LHX2: variants seen among roughly 807,000 people sequenced by gnomAD.
LHX2 encodes LIM homeobox 2, also known as LIM/homeobox protein Lhx2.
Under a neutral mutation model 33.0 loss-of-function variants are expected in LHX2, and 6 were observed. The observed-to-expected ratio is 0.18, with a 90% CI of 0.10 to 0.36. LHX2 has a LOEUF of 0.36. Among genes scored for constraint, LHX2 ranks in the 10% least tolerant of loss-of-function variants. The pLI, the probability that LHX2 is intolerant of heterozygous loss-of-function variation, is 1.00. For synonymous variants in LHX2, 292 were observed against 253.1 expected (o/e 1.15, Z -1.46); for missense variants, 442 against 586.2 (o/e 0.75, Z 2.54).
chr9:124,032,502 C>A lies in LHX2; in HGVS notation c.1016C>A (p.Ala339Glu), dbSNP rs762693228. ...ACGGGCGTGGACAAGTCGACAGACG[C>A]GGCGCTGCAGACAGGGACGCCATCG... ...ENTGVDKSTD[A>E]ALQTGTPSGP... is the part of the protein sequence containing the mutation. The change falls in exon 5 of 5, where the codon GCG becomes GAG. Residue 339 changes from alanine (A) to glutamate (E), a missense_variant. By Grantham distance (107) the Ala-to-Glu change is moderately radical. Coordinates refer to ENST00000373615, the MANE Select transcript of LHX2 (RefSeq NM_004789.4). The surrounding 1 kb of genome is among the most constrained non-coding windows in gnomAD (Gnocchi z 4.1). 3.1e-6 allele frequency: 5 copies of A among 1,612,998 alleles called. No homozygotes were observed. Among genetic ancestry groups the A allele is most frequent in the African/African-American group, 2.7e-5 (2 of 74,902 alleles).
rs12341660 is a variant in LHX2 at position 124,022,316 on chromosome 9, T to C, written c.933+1012T>C. ...TGCGACCTGACACTTCGTTGCTCAGTGGATGGTAGCCAATAACAGCATTAA... is the reference window on the plus strand; with the variant it reads ...TGCGACCTGACACTTCGTTGCTCAGCGGATGGTAGCCAATAACAGCATTAA... On this transcript the variant is annotated intron_variant, in intron 4 of 4. Coordinates refer to ENST00000373615, the MANE Select transcript of LHX2 (RefSeq NM_004789.4). 9.7e-3 allele frequency among the ~76,000 whole-genome samples: 1,475 copies of C among 152,312 alleles called. 23 individuals are homozygous for C. Among genetic ancestry groups the C allele is most frequent in the African/African-American group, 0.034 (1,403 of 41,562 alleles).
intron 1 of LHX2, among the ~76,000 whole-genome samples, chr9:124,013,398 C>A (rs767646233): frequency 6.6e-6 from 1 of 152,214 alleles, no homozygotes; most frequent in Non-Finnish European, 1.5e-5. Flanking sequence ...CATCCCCGGA[C>A]CCAAGAGGGC....
rs764841570 is a variant in LHX2, at chr9:124,015,398, G to A, written c.600G>A (p.Gly200=). Residue 200 remains glycine (G), a synonymous_variant, in exon 3 of 5, where the codon GGG becomes GGA. Coordinates refer to ENST00000373615, the MANE Select transcript of LHX2 (RefSeq NM_004789.4). The surrounding 1 kb of genome is among the most constrained non-coding windows in gnomAD (Gnocchi z 7.9). The stretch of plus-strand genomic sequence containing the variant: ...CAGCCGCGGCGGCCAAGAGCGCGGG[G>A]CTGGGCGCAGCAGGGGCCAACCCTC... ...AAAAAAAKSA[G]LGAAGANPLG... 27 of 1,607,608 alleles carry A rather than the reference G, an allele frequency of 1.7e-5. No homozygotes were observed. Among genetic ancestry groups the A allele is most frequent in the Admixed American group, 3.4e-5 (2 of 59,378 alleles).
intron 1 of LHX2, 104 bp from the exon 2 acceptor site, chr9:124,013,857 G>A: frequency 1.9e-6 from 2 of 1,040,430 alleles, no homozygotes; most frequent in Non-Finnish European, 2.9e-6. Flanking sequence ...CCGCGTTCAG[G>A]GTAGCCAAGG....
At chr9:124,021,346 G>T in intron 4 of LHX2, 42 bp downstream of exon 4, 1 of 1,586,950 alleles carries the variant, frequency 6.3e-7, no homozygotes, top group Non-Finnish European at 8.6e-7. Context: ...GACCACCAGG[G>T]ACTGGGGTGG....
intron 3 of LHX2, among the ~76,000 whole-genome samples, chr9:124,018,045 T>TTG (rs895723400): frequency 7.3e-5 from 11 of 151,644 alleles, no homozygotes; most frequent in African/African-American, 2.4e-4. Flanking sequence ...CCCCAGCTTT[T>TTG]TGTGTGTGTG....
At chr9:124,026,634 T>A (rs1828627443) in intron 4 of LHX2, among the ~76,000 whole-genome samples, 1 of 152,172 alleles carries the variant, frequency 6.6e-6, no homozygotes, top group African/African-American at 2.4e-5. Flanking sequence ...GTTGACTGTG[T>A]CTTTCTCTTG....
rs1208485703 is a variant in LHX2 at position 124,032,990 on chromosome 9, C to T, written c.*283C>T. ...AAATAATTTAAGTTGGCTAGAGCTT[C>T]TGTATTTTCAAAGACTGCCACGTGC... On this transcript the variant is annotated 3_prime_UTR_variant, in exon 5 of 5. Coordinates refer to ENST00000373615, the MANE Select transcript of LHX2 (RefSeq NM_004789.4). This position sits in a 1 kb window ranked among gnomAD's most constrained non-coding sequence, Gnocchi z 4.1. The T allele has an allele frequency of 3.4e-6, 1 of 293,816 alleles. No individual in the cohort carries two copies. The highest frequency in any genetic ancestry group is 5.1e-5 in the Admixed American group (1 of 19,738). The allele number at this position is 293,816 out of a possible 1,614,324, so 18.2% of individuals were successfully genotyped here.
At chr9:124,013,095 C>T (rs903841257) in intron 1 of LHX2, among the ~76,000 whole-genome samples, 34 of 152,360 alleles carry the variant, frequency 2.2e-4, no homozygotes, top group African/African-American at 8.2e-4. Flanking sequence ...CCTGGCTCCG[C>T]GGGCCCAGCC....
Position 124,014,283 on chromosome 9 carries a change from C to G in LHX2, c.323+120C>G, listed in dbSNP as rs534050077. 7.8e-6 allele frequency: 5 copies of G among 637,538 alleles called. No individual in the cohort carries two copies. In the East Asian group the frequency reaches 1.4e-4, roughly 18 times the overall value. 39.5% of individuals were successfully genotyped at this position (637,538 alleles called of 1,614,324 possible). A position where few individuals can be genotyped will look rare whatever the true frequency, so the allele number is the denominator to read the frequency against. On this transcript the variant is annotated intron_variant, in intron 2 of 4. Coordinates refer to ENST00000373615, the MANE Select transcript of LHX2 (RefSeq NM_004789.4). This position sits in a 1 kb window ranked among gnomAD's most constrained non-coding sequence, Gnocchi z 4.8. ...AGAGGGTTCACTACTCAGGACTCCC[C>G]CGCTCCCCCCCCAAGTTCTCCAAGC...
At chr9:124,023,723 C>T (rs1476275445) in intron 4 of LHX2, among the ~76,000 whole-genome samples, 3 of 152,180 alleles carry the variant, frequency 2.0e-5, no homozygotes. Flanking sequence ...ATCAGATTTC[C>T]AGGAGAGTTA....
At position 124,012,683 on chromosome 9, in the gene LHX2, C is replaced by G. The variant is rs1035603602; in HGVS notation, c.120+215C>G. On this transcript the variant is annotated intron_variant, in intron 1 of 4. Transcript: ENST00000373615. The surrounding 1 kb of genome is among the most constrained non-coding windows in gnomAD (Gnocchi z 4.3). ...AACAAGGTTGAAACCGAAATCTCGG[C>G]CCTGGGGGTAGAGGAGAGCGTTTCT... Among the ~76,000 whole-genome samples the G allele has an allele frequency of 2.6e-5, 4 of 152,238 alleles. No homozygotes were observed. Among genetic ancestry groups the G allele is most frequent in the African/African-American group, 9.6e-5 (4 of 41,458 alleles).
Position 124,021,448 on chromosome 9 carries a change from C to T in LHX2, c.933+144C>T, listed in dbSNP as rs1311683898. 4 of 677,734 alleles carry T rather than the reference C, an allele frequency of 5.9e-6. No individual in the cohort carries two copies. The African/African-American group carries it at 7.2e-5, about 12-fold the overall frequency. The allele number at this position is 677,734 out of a possible 1,614,324, so 42.0% of individuals were successfully genotyped here. A position where few individuals can be genotyped will look rare whatever the true frequency, so the allele number is the denominator to read the frequency against. On this transcript the variant is annotated intron_variant, in intron 4 of 4. Transcript: ENST00000373615. ...TAATCTTTCTCATTCTCTTTCTTCA[C>T]CTCTCCAGCCTGTCCCCATCTGTAT...
At chr9:124,029,107 G>A (rs1828673401) in intron 4 of LHX2, among the ~76,000 whole-genome samples, 1 of 150,916 alleles carries the variant, frequency 6.6e-6, no homozygotes, top group African/African-American at 2.5e-5. Context: ...GCAAGACTCT[G>A]TCTCAAAAAA....
chr9:124,032,362 T>TC lies in LHX2; in HGVS notation c.934-57dup, dbSNP rs1828712589. 6.7e-7 allele frequency: 1 copy of TC among 1,481,800 alleles called. No homozygotes were observed. Among genetic ancestry groups the TC allele is most frequent in the Non-Finnish European group, 9.1e-7 (1 of 1,102,808 alleles). 91.8% of individuals were successfully genotyped at this position (1,481,800 alleles called of 1,614,324 possible). On this transcript the variant is annotated intron_variant, in intron 4 of 4. Transcript: ENST00000373615. The surrounding 1 kb of genome is among the most constrained non-coding windows in gnomAD (Gnocchi z 4.1). ...GGCAGCAGAGCTCTGAGTGAAGCAG[T>TC]CGGGGGGATGCTCTGCCTGCCTTCC...
At position 124,014,198 on chromosome 9, in the gene LHX2, T is replaced by G; in HGVS notation, c.323+35T>G. ...CCACCCAACTGCCCCTCAGGACCCC[T>G]CCCCCCAATCTCAGGCACAGTCTTA... On this transcript the variant is annotated intron_variant, in intron 2 of 4. Coordinates refer to ENST00000373615, the MANE Select transcript of LHX2 (RefSeq NM_004789.4). The surrounding 1 kb of genome is among the most constrained non-coding windows in gnomAD (Gnocchi z 4.8). The G allele has an allele frequency of 1.6e-6, 2 of 1,288,094 alleles. No individual in the cohort carries two copies. Among genetic ancestry groups the G allele is most frequent in the Non-Finnish European group, 2.1e-6 (2 of 949,744 alleles). 79.8% of individuals were successfully genotyped at this position (1,288,094 alleles called of 1,614,324 possible). A position where few individuals can be genotyped will look rare whatever the true frequency, so the allele number is the denominator to read the frequency against.
intron 3 of LHX2, 21 bp from the exon 4 acceptor site, chr9:124,021,078 G>T (rs149426877): frequency 0.013 from 21,410 of 1,612,200 alleles, 176 homozygotes; most frequent in Non-Finnish European, 0.017. Flanking sequence ...TTCACCCACC[G>T]GCTCTGTGTC....
At chr9:124,029,265 A>C (rs1828676385) in intron 4 of LHX2, among the ~76,000 whole-genome samples, 1 of 152,334 alleles carries the variant, frequency 6.6e-6, no homozygotes, top group East Asian at 1.9e-4. Flanking sequence ...TAAAAGGTAC[A>C]TACATGTCAG....
chr9:124,028,725 G>T (rs1376227547), intron 4 of LHX2, among the ~76,000 whole-genome samples: 2 of 152,168 alleles, frequency 1.3e-5, no homozygotes, highest in South Asian at 2.1e-4. Context: ...CTCTTTTAGG[G>T]CAAGTGGTCC....
Sources: gnomAD v4.1 joint callset for allele counts (sites outside exome capture counted in the v4.1 genomes callset) on GRCh38, gnomAD v4.1.1 for gene constraint, Gnocchi (gnomAD v3.1) non-coding constraint, MANE v1.5 for transcripts, NCBI Gene and HGNC (gene_info 2026-07-23, HGNC 2026-07-21) for gene names.